The following SLC44A1 variants were observed in gnomAD, a reference collection of about 807,000 sequenced individuals.
The protein encoded by SLC44A1 is choline transporter-like protein 1.
A neutral mutation model predicts 79.3 loss-of-function variants in SLC44A1; 26 were observed. The ratio of observed to expected loss-of-function variants is 0.33; its 90% CI spans 0.24 to 0.46. SLC44A1 has a LOEUF of 0.46. SLC44A1 is among the 20% of genes least tolerant of loss of function. The probability of loss-of-function intolerance (pLI) is 1.00; values close to 1 mark genes in which losing one functional copy is unlikely to be tolerated. For missense variants in SLC44A1, 688 were observed against 798.1 expected (o/e 0.86, Z 1.66); for synonymous variants, 263 against 286.2 (o/e 0.92, Z 0.82).
rs371624832 is a variant in SLC44A1, at chr9:105,383,151, C to G, written c.1661C>G (p.Ala554Gly). 24 of 1,614,022 alleles carry G rather than the reference C, an allele frequency of 1.5e-5. No homozygotes were observed. The highest frequency in any genetic ancestry group is 1.8e-5 in the Non-Finnish European group (21 of 1,179,900). The change falls in exon 14 of 16, where the codon GCT becomes GGT. Residue 554 changes from alanine (A) to glycine (G), a missense_variant. By Grantham distance (60) the Ala-to-Gly change is moderately conservative (BLOSUM62 0). Transcript: ENST00000374720. The part of the protein sequence containing the change: ...KVLIVCSTGL[A>G]GIMLLNYQQD... ...CTGATAGTCTGCAGCACAGGTTTAG[C>G]TGGGATTATGCTGCTCAACTACCAG...
At chr9:105,347,420 T>C (rs1486923157) in intron 4 of SLC44A1, among the ~76,000 whole-genome samples, 1 of 152,032 alleles carries the variant, frequency 6.6e-6, no homozygotes, top group Non-Finnish European at 1.5e-5. Context: ...TAACAATATA[T>C]TATACAATGA....
chr9:105,396,596 C>G lies in SLC44A1; in HGVS notation c.*7540C>G. On this transcript the variant is annotated 3_prime_UTR_variant, in exon 16 of 16. Transcript: ENST00000374720. ...TCTTCACATCCAGTGTCAAGCCCAG[C>G]CCAGCATATGGGGTGATATGAGCAG... The G allele has an allele frequency of 8.1e-6, 8 of 985,414 alleles. No individual in the cohort carries two copies. Among genetic ancestry groups the G allele is most frequent in the Non-Finnish European group, 8.4e-6 (7 of 829,928 alleles). 61.0% of individuals were successfully genotyped at this position (985,414 alleles called of 1,614,324 possible).
At chr9:105,289,487 G>A (rs1262894892) in intron 1 of SLC44A1, among the ~76,000 whole-genome samples, 4 of 152,108 alleles carry the variant, frequency 2.6e-5, no homozygotes, top group Admixed American at 6.6e-5. Context: ...ATTATAATAT[G>A]GAATGATAAT....
chr9:105,344,873 C>G (rs1026083777), intron 4 of SLC44A1, among the ~76,000 whole-genome samples: 1 of 152,106 alleles, frequency 6.6e-6, no homozygotes, highest in Non-Finnish European at 1.5e-5. Context: ...GAAGGCTTGA[C>G]AGAAGAGATG....
chr9:105,247,390 T>G (rs901213837), intron 1 of SLC44A1, among the ~76,000 whole-genome samples: 5 of 152,282 alleles, frequency 3.3e-5, no homozygotes, highest in African/African-American at 1.2e-4. Context: ...CTCCGCCTCC[T>G]GGGTTCGAGC....
At chr9:105,419,772 G>A (rs190491993) in intron 15 of SLC44A1, among the ~76,000 whole-genome samples, 13 of 151,856 alleles carry the variant, frequency 8.6e-5, no homozygotes, top group Admixed American at 3.9e-4. Flanking sequence ...AAAATTAGCC[G>A]GGCATGGTGG....
At chr9:105,322,150 C>G (rs893476236) in intron 3 of SLC44A1, among the ~76,000 whole-genome samples, 2 of 152,156 alleles carry the variant, frequency 1.3e-5, no homozygotes, top group Non-Finnish European at 1.5e-5. Context: ...GAAATCTAGG[C>G]TAAGTGTAGT....
At chr9:105,287,400 C>T (rs921799420) in intron 1 of SLC44A1, among the ~76,000 whole-genome samples, 4 of 152,188 alleles carry the variant, frequency 2.6e-5, no homozygotes, top group Non-Finnish European at 4.4e-5. Flanking sequence ...AAACTGTGTA[C>T]TCATTCGTTG....
Position 105,394,799 on chromosome 9 carries a change from G to C in SLC44A1, c.*5743G>C. ...TGCTGAAGGTAGAAATGCAAAAGAT[G>C]TTTTTTCTTCCTGCATAAATCACGG... is the stretch of plus-strand genomic sequence containing the variant. On this transcript the variant is annotated 3_prime_UTR_variant, in exon 16 of 16. Coordinates refer to ENST00000374720, the MANE Select transcript of SLC44A1 (RefSeq NM_080546.5). 2.0e-6 allele frequency: 2 copies of C among 985,392 alleles called. No homozygotes were observed. Among genetic ancestry groups the C allele is most frequent in the South Asian group, 9.4e-5 (2 of 21,286 alleles). The allele number at this position is 985,392 out of a possible 1,614,324, so 61.0% of individuals were successfully genotyped here.
At chr9:105,401,161 C>CATCT (rs1475233147), downstream of SLC44A1, among the ~76,000 whole-genome samples, 1 of 152,180 alleles carries the variant, frequency 6.6e-6, no homozygotes, top group Non-Finnish European at 1.5e-5. Context: ...CTGTGAAAGC[C>CATCT]ATCTATTTAC....
intron 15 of SLC44A1, among the ~76,000 whole-genome samples, chr9:105,435,737 G>A (rs1159295757): frequency 6.6e-6 from 1 of 152,170 alleles, no homozygotes; most frequent in South Asian, 2.1e-4. Flanking sequence ...GGACCTTACA[G>A]TATGGAGTTT....
intron 15 of SLC44A1, among the ~76,000 whole-genome samples, chr9:105,403,988 G>A (rs183120462): frequency 2.0e-5 from 3 of 151,934 alleles, no homozygotes; most frequent in African/African-American, 7.2e-5. Flanking sequence ...CCTTTCAGGG[G>A]AAAAATTACC....
intron 1 of SLC44A1, among the ~76,000 whole-genome samples, chr9:105,284,025 A>C (rs1353898550): frequency 2.0e-5 from 3 of 152,160 alleles, no homozygotes; most frequent in Non-Finnish European, 2.9e-5. Context: ...GCACGTCTGC[A>C]TGAGAAGCTA....
At chr9:105,300,338 A>G (rs1472891237) in intron 2 of SLC44A1, among the ~76,000 whole-genome samples, 1 of 152,132 alleles carries the variant, frequency 6.6e-6, no homozygotes, top group South Asian at 2.1e-4. Context: ...TCAAAATGCA[A>G]TTACACTACC....
chr9:105,421,743 G>A (rs1162699361), intron 15 of SLC44A1, among the ~76,000 whole-genome samples: 22 of 151,854 alleles, frequency 1.4e-4, no homozygotes, highest in Non-Finnish European at 1.8e-4. Flanking sequence ...GCCTACCACG[G>A]CGCCCGGCTA....
chr9:105,256,432 C>T (rs1408799892), intron 1 of SLC44A1, among the ~76,000 whole-genome samples: 1 of 152,132 alleles, frequency 6.6e-6, no homozygotes, highest in East Asian at 1.9e-4. Flanking sequence ...GTATTTCTTA[C>T]CCAAAGTAAG....
intron 2 of SLC44A1, among the ~76,000 whole-genome samples, chr9:105,306,179 C>T (rs1023009298): frequency 2.0e-5 from 3 of 152,192 alleles, no homozygotes; most frequent in African/African-American, 7.2e-5. Context: ...TGCTAATAGT[C>T]TTACTTTCTC....
intron 1 of SLC44A1, among the ~76,000 whole-genome samples, chr9:105,254,477 G>C (rs1829658730): frequency 6.6e-6 from 1 of 152,238 alleles, no homozygotes; most frequent in African/African-American, 2.4e-5. Context: ...TTGCCAGCAA[G>C]GTGGCGGCAG....
intron 13 of SLC44A1, among the ~76,000 whole-genome samples, chr9:105,381,842 G>A (rs534916507): frequency 6.6e-6 from 1 of 152,262 alleles, no homozygotes; most frequent in African/African-American, 2.4e-5. Flanking sequence ...TTAAGATAAT[G>A]GTGAATGAGA....
Sources: gnomAD v4.1 joint callset for allele counts (sites outside exome capture counted in the v4.1 genomes callset) on GRCh38, gnomAD v4.1.1 for gene constraint, MANE v1.5 for transcripts, NCBI Gene and HGNC (gene_info 2026-07-23, HGNC 2026-07-21) for gene names.